Variants in HPS3 observed in about 807,000 individuals in gnomAD.
The protein encoded by HPS3 is HPS3 biogenesis of lysosomal organelles complex 2 subunit 1.
HPS3 carries 79 observed loss-of-function variants against 110.9 expected under a neutral mutation model. The observed-to-expected ratio is 0.71, with a 90% CI of 0.59 to 0.86. The LOEUF (loss-of-function observed/expected upper bound fraction) is 0.86, where lower values mean the gene tolerates loss of function less well. Ranked by LOEUF, HPS3 falls within the 40% of genes least tolerant of loss-of-function variation. The probability of loss-of-function intolerance (pLI) is 0.00; values close to 1 mark genes in which losing one functional copy is unlikely to be tolerated. For synonymous variants in HPS3, 428 were observed against 451.0 expected, an observed-to-expected ratio of 0.95 and a Z score of 0.65; for missense variants, 1,197 against 1,206.2, an observed-to-expected ratio of 0.99 and a Z score of 0.11.
intron 1 of HPS3, among the ~76,000 whole-genome samples, chr3:149,132,119 T>A (rs371252353): frequency 1.3e-5 from 2 of 152,218 alleles, no homozygotes; most frequent in African/African-American, 4.8e-5. Flanking sequence ...CAAGTGATGA[T>A]GTAGAATCTG....
rs757612323 is a variant in HPS3 at position 149,160,189 on chromosome 3, A to T, written c.2016A>T (p.Ser672=). 1.2e-6 allele frequency: 2 copies of T among 1,613,936 alleles called. No individual in the cohort carries two copies. Among genetic ancestry groups the T allele is most frequent in the African/African-American group, 1.3e-5 (1 of 75,028 alleles). Residue 672 remains serine (S), a synonymous_variant, in exon 11 of 17, where the codon TCA becomes TCT. Transcript: ENST00000296051. ...YLRKLDTSGF[S]SILVTLTKAA... The stretch of plus-strand genomic sequence containing the variant: ...GGAAGCTGGATACTTCTGGGTTTTC[A>T]TCGATCTTAGTGACATTGACCAAGG...
At chr3:149,170,241 T>C (rs1037764247) in intron 16 of HPS3, among the ~76,000 whole-genome samples, 1 of 152,160 alleles carries the variant, frequency 6.6e-6, no homozygotes, top group African/African-American at 2.4e-5. Flanking sequence ...AAGAGGAGAA[T>C]TGGGAAGTGG....
intron 8 of HPS3, among the ~76,000 whole-genome samples, chr3:149,156,898 G>T (rs918349350): frequency 1.3e-5 from 2 of 152,104 alleles, no homozygotes; most frequent in Admixed American, 1.3e-4. Context: ...CCCTCTATGA[G>T]TTATGGAAAT....
Position 149,141,318 on chromosome 3 carries a change from C to T in HPS3, c.908C>T (p.Ser303Phe). ...LYRRFAPDIS[S>F]YVLSDDIKLH... Reference sequence around the variant, plus strand: ...AGACGTTTTGCTCCTGATATTTCGTCCTATGTCTTGTCTGATGACATCAAG... The same window carrying T: ...AGACGTTTTGCTCCTGATATTTCGTTCTATGTCTTGTCTGATGACATCAAG... Residue 303 changes from serine to phenylalanine, a missense_variant, in exon 4 of 17, where the codon TCC (serine) becomes TTC (phenylalanine). Coordinates refer to ENST00000296051, the MANE Select transcript of HPS3 (RefSeq NM_032383.5). 1 of 1,613,352 alleles carries T rather than the reference C, an allele frequency of 6.2e-7. No individual in the cohort carries two copies.
Position 149,172,124 on chromosome 3 carries a change from G to C in HPS3, c.2917G>C (p.Glu973Gln), listed in dbSNP as rs751361480. Reference sequence around the variant, plus strand: ...ATTGTCAATTGTTGCTGTGGAACTAGAACTGAAGGATTTCATGAATGTTCT... The same window carrying C: ...ATTGTCAATTGTTGCTGTGGAACTACAACTGAAGGATTTCATGAATGTTCT... ...ETLSIVAVEL[E>Q]LKDFMNVLPE... is the part of the protein sequence containing the mutation. Residue 973 changes from glutamate to glutamine, a missense_variant, in exon 17 of 17, where the codon GAA (glutamate) becomes CAA (glutamine). Glu to Gln is a conservative substitution (Grantham distance 29). Coordinates refer to ENST00000296051, the MANE Select transcript of HPS3 (RefSeq NM_032383.5). 9 of 1,612,952 alleles carry C rather than the reference G, an allele frequency of 5.6e-6. No individual in the cohort carries two copies. The highest frequency in any genetic ancestry group is 7.6e-6 in the Non-Finnish European group (9 of 1,179,170).
rs759588009 is a variant in HPS3, at chr3:149,129,812, G to A, written c.89G>A (p.Arg30His). 6.8e-6 allele frequency: 11 copies of A among 1,606,558 alleles called. No individual in the cohort carries two copies. The highest frequency in any genetic ancestry group is 1.3e-5 in the African/African-American group (1 of 74,856). Residue 30 changes from arginine to histidine, a missense_variant, in exon 1 of 17, where the codon CGT becomes CAT. Physicochemically the swap from Arg to His is conservative, Grantham distance 29 (BLOSUM62 0). Transcript: ENST00000296051. ...LEPDRFCGGG[R>H]DALFVAAGCK... Reference sequence around the variant, plus strand: ...CCGGACCGGTTCTGTGGCGGGGGGCGTGACGCGCTTTTCGTGGCGGCGGGC... The same window carrying A: ...CCGGACCGGTTCTGTGGCGGGGGGCATGACGCGCTTTTCGTGGCGGCGGGC...
At position 149,145,535 on chromosome 3, in the gene HPS3, C is replaced by A; in HGVS notation, c.1152C>A (p.His384Gln). 2 of 1,613,734 alleles carry A rather than the reference C, an allele frequency of 1.2e-6. No homozygotes were observed. Among genetic ancestry groups the A allele is most frequent in the Non-Finnish European group, 8.5e-7 (1 of 1,179,658 alleles). The stretch of plus-strand genomic sequence containing the variant: ...CAGTACTCACGCCACAATTTTTGCA[C>A]GTCATTACAAGGTACTGTTAGAGGG... The part of the protein sequence containing the change: ...QQAVLTPQFL[H>Q]VITSNNLQCF... Residue 384 changes from histidine to glutamine, a missense_variant, in exon 5 of 17, where the codon CAC becomes CAA. Coordinates refer to ENST00000296051, the MANE Select transcript of HPS3 (RefSeq NM_032383.5).
chr3:149,156,956 G>A (rs1418968983), intron 8 of HPS3, among the ~76,000 whole-genome samples: 1 of 152,070 alleles, frequency 6.6e-6, no homozygotes, highest in Non-Finnish European at 1.5e-5. Context: ...AATAAGGGAA[G>A]AATACTCAGT....
rs1576653734 is a variant in HPS3, at chr3:149,129,933, C to T, written c.210C>T (p.Ser70=). Residue 70 remains serine (S), a synonymous_variant, in exon 1 of 17, where the codon AGC becomes AGT. Coordinates refer to ENST00000296051, the MANE Select transcript of HPS3 (RefSeq NM_032383.5). ...TLGRVLRLAY[S]EAGDYLVAIE... is the part of the protein sequence containing the mutation. ...GCCGGGTGTTGCGCCTGGCCTACAG[C>T]GAGGCTGGTGAGTAATCTAGAGAGC... 6.5e-7 allele frequency: 1 copy of T among 1,545,842 alleles called. No homozygotes were observed. The highest frequency in any genetic ancestry group is 1.9e-5 in the Admixed American group (1 of 51,812).
intron 4 of HPS3, among the ~76,000 whole-genome samples, chr3:149,144,875 T>C (rs988040450): frequency 1.3e-5 from 2 of 152,238 alleles, no homozygotes; most frequent in Non-Finnish European, 2.9e-5. Flanking sequence ...TTATTGCTTC[T>C]TGAAATGGTA....
At chr3:149,162,003 G>A in intron 11 of HPS3, 145 bp from the exon 12 acceptor site, 1 of 689,870 alleles carries the variant, frequency 1.4e-6, no homozygotes, top group Non-Finnish European at 2.5e-6. Context: ...ATAAGAACTA[G>A]CCTTTATAGT....
At chr3:149,154,530 G>C (rs1723319405) in intron 7 of HPS3, among the ~76,000 whole-genome samples, 1 of 152,126 alleles carries the variant, frequency 6.6e-6, no homozygotes, top group South Asian at 2.1e-4. Flanking sequence ...CATTCTAATA[G>C]TATAATTTTT....
chr3:149,145,220 A>G, intron 4 of HPS3, 134 bp from the exon 5 acceptor site: 1 of 700,600 alleles, frequency 1.4e-6, no homozygotes, highest in Non-Finnish European at 2.5e-6. Context: ...ACATTCTTCT[A>G]TAAAGAGCAA....
At chr3:149,131,129 A>C (rs1183163939) in intron 1 of HPS3, among the ~76,000 whole-genome samples, 3 of 150,362 alleles carry the variant, frequency 2.0e-5, no homozygotes, top group African/African-American at 5.0e-5. Context: ...TGTTAAAAAA[A>C]AAAAAAAAAA....
chr3:149,147,245 C>T (rs1381200212), intron 5 of HPS3, among the ~76,000 whole-genome samples: 1 of 151,930 alleles, frequency 6.6e-6, no homozygotes, highest in African/African-American at 2.4e-5. Context: ...TATAGATTAT[C>T]AAGACATAAT....
chr3:149,143,594 G>A (rs111528255), intron 4 of HPS3, among the ~76,000 whole-genome samples: 4 of 152,304 alleles, frequency 2.6e-5, no homozygotes, highest in African/African-American at 7.2e-5. Context: ...CTGAATAGAC[G>A]AATGGATGGG....
At chr3:149,166,891 A>T in intron 14 of HPS3, 143 bp from the exon 15 acceptor site, 1 of 687,224 alleles carries the variant, frequency 1.5e-6, no homozygotes, top group East Asian at 2.7e-5. Context: ...TTAAATAAGG[A>T]CCACGTGCAT....
Position 149,140,189 on chromosome 3 carries a change from G to C in HPS3, c.403G>C (p.Ala135Pro), listed in dbSNP as rs769747723. The C allele has an allele frequency of 1.2e-6, 2 of 1,614,112 alleles. No individual in the cohort carries two copies. The highest frequency in any genetic ancestry group is 4.5e-5 in the East Asian group (2 of 44,886). ...MYIIEMPLSE[A>P]PLCISCCPVK... ...CATTATTGAAATGCCGCTTTCGGAG[G>C]CCCCCTTGTGCATTTCCTGTTGCCC... Residue 135 changes from alanine to proline, a missense_variant, in exon 2 of 17, where the codon GCC (alanine) becomes CCC (proline). Transcript: ENST00000296051.
intron 16 of HPS3, among the ~76,000 whole-genome samples, chr3:149,171,525 A>G (rs1254821381): frequency 3.9e-5 from 6 of 152,214 alleles, no homozygotes; most frequent in African/African-American, 1.4e-4. Flanking sequence ...ATTGCAAAAT[A>G]ATATAGTAAT....
Sources: allele counts gnomAD v4.1 joint callset (sites outside exome capture counted in the v4.1 genomes callset), GRCh38; gene constraint gnomAD v4.1.1; transcripts MANE v1.5; gene names NCBI Gene and HGNC (gene_info 2026-07-23, HGNC 2026-07-21).